Variants in ACTR3C observed in about 807,000 individuals in gnomAD.
ACTR3C encodes actin related protein 3C.
ACTR3C carries 18 observed loss-of-function variants against 26.3 expected under a neutral mutation model. That is an observed-to-expected ratio of 0.68 (90% CI 0.47 to 1.01). The LOEUF is 1.01. Among genes scored for constraint, ACTR3C ranks in the 50% least tolerant of loss-of-function variants. ACTR3C has a pLI of 0.00. For synonymous variants in ACTR3C, 55 were observed against 94.5 expected (o/e 0.58, Z 2.42); for missense variants, 184 against 250.7 (o/e 0.73, Z 1.80).
the ACTR3C span, among the ~76,000 whole-genome samples, chr7:150,039,446 CT>C: frequency 1.1e-4 from 7 of 64,320 alleles, no homozygotes; most frequent in African/African-American, 3.2e-4. Flanking sequence ...GCCTCCCCCC[CT>C]GCGATGGGGG....
the ACTR3C span, among the ~76,000 whole-genome samples, chr7:150,193,993 C>A: frequency 9.0e-6 from 1 of 110,658 alleles, no homozygotes; most frequent in South Asian, 2.5e-4. Flanking sequence ...CACACACAGA[C>A]ACACACACAC....
downstream of ACTR3C, chr7:150,244,739 C>T (rs556981377): frequency 9.3e-4 from 167 of 179,448 alleles, 1 homozygote; most frequent in African/African-American, 2.9e-3. Context: ...CTCTGCTCTT[C>T]CCAGCCTCTG....
chr7:150,235,035 G>A, the ACTR3C span, among the ~76,000 whole-genome samples: 9,112 of 152,180 alleles, frequency 0.06, 868 homozygotes, highest in African/African-American at 0.21. Flanking sequence ...TTAGCACTAG[G>A]CTTTTGTCAT....
intron 1 of ACTR3C, among the ~76,000 whole-genome samples, chr7:150,316,766 G>A (rs138795323): frequency 6.6e-6 from 1 of 152,200 alleles, no homozygotes; most frequent in East Asian, 1.9e-4. Flanking sequence ...TTACAGGCAT[G>A]AGCCACCACG....
At chr7:149,999,570 A>T in the ACTR3C span, among the ~76,000 whole-genome samples, 4 of 151,212 alleles carry the variant, frequency 2.6e-5, no homozygotes, top group African/African-American at 9.7e-5. Flanking sequence ...AAACTCTGGT[A>T]GGAGACTGAG....
chr7:150,314,685 G>A (rs1394642892), intron 1 of ACTR3C, among the ~76,000 whole-genome samples: 1 of 150,028 alleles, frequency 6.7e-6, no homozygotes, highest in East Asian at 2.0e-4. Flanking sequence ...GCTCATGCCT[G>A]TAATCCCAGT....
chr7:150,125,622 AT>A, the ACTR3C span, among the ~76,000 whole-genome samples: 5 of 151,474 alleles, frequency 3.3e-5, no homozygotes, highest in Admixed American at 3.3e-4. Flanking sequence ...CTTCCACTAC[AT>A]TTTCTTTGTT....
At chr7:149,899,992 G>A in the ACTR3C span, among the ~76,000 whole-genome samples, 1 of 142,000 alleles carries the variant, frequency 7.0e-6, no homozygotes, top group Non-Finnish European at 1.5e-5. Flanking sequence ...CAACATTTTT[G>A]TGCTGAAAGA....
chr7:149,965,705 C>T, the ACTR3C span, among the ~76,000 whole-genome samples: 1 of 152,194 alleles, frequency 6.6e-6, no homozygotes, highest in Non-Finnish European at 1.5e-5. Context: ...CATATCACAC[C>T]CCTTCTGGGA....
At chr7:150,249,636 G>T (rs186383984) in intron 6 of ACTR3C, among the ~76,000 whole-genome samples, 5 of 152,068 alleles carry the variant, frequency 3.3e-5, no homozygotes, top group African/African-American at 1.2e-4. Flanking sequence ...TGTGTTTTTA[G>T]TAGAGATGGG....
At chr7:150,048,580 G>A in the ACTR3C span, among the ~76,000 whole-genome samples, 3 of 151,940 alleles carry the variant, frequency 2.0e-5, no homozygotes, top group Admixed American at 2.0e-4. Flanking sequence ...GGTGCAAGGG[G>A]ATGCGGAGGT....
At chr7:150,081,874 T>A in the ACTR3C span, among the ~76,000 whole-genome samples, 1 of 151,706 alleles carries the variant, frequency 6.6e-6, no homozygotes, top group Non-Finnish European at 1.5e-5. Flanking sequence ...TCTCTTCTTC[T>A]GCAAGAGAGA....
At chr7:150,146,467 A>G in the ACTR3C span, among the ~76,000 whole-genome samples, 1 of 152,182 alleles carries the variant, frequency 6.6e-6, no homozygotes, top group South Asian at 2.1e-4. Flanking sequence ...TTTCAAATTG[A>G]CATTATCACT....
At chr7:150,089,806 T>G in the ACTR3C span, among the ~76,000 whole-genome samples, 1 of 152,210 alleles carries the variant, frequency 6.6e-6, no homozygotes, top group East Asian at 1.9e-4. Context: ...TCAAGGGTTT[T>G]CTGCCAGGAA....
At chr7:149,887,342 T>G in the ACTR3C span, among the ~76,000 whole-genome samples, 1 of 152,170 alleles carries the variant, frequency 6.6e-6, no homozygotes, top group Non-Finnish European at 1.5e-5. Flanking sequence ...GGAAAGCAAA[T>G]TCAAACAGCA....
chr7:150,190,014 C>T, the ACTR3C span, among the ~76,000 whole-genome samples: 1 of 152,016 alleles, frequency 6.6e-6, no homozygotes, highest in Non-Finnish European at 1.5e-5. Context: ...TGCATTACCA[C>T]AAGTAAAGAA....
the ACTR3C span, among the ~76,000 whole-genome samples, chr7:150,103,137 T>C: frequency 6.6e-6 from 1 of 151,752 alleles, no homozygotes; most frequent in Non-Finnish European, 1.5e-5. Flanking sequence ...TCCTCTATTA[T>C]AGGGAAGCAA....
At chr7:150,255,312 T>G (rs1431300721) in intron 6 of ACTR3C, among the ~76,000 whole-genome samples, 2 of 147,470 alleles carry the variant, frequency 1.4e-5, no homozygotes, top group African/African-American at 5.0e-5. Flanking sequence ...TGGATCAGCC[T>G]GTTAACAGAC....
the ACTR3C span, among the ~76,000 whole-genome samples, chr7:150,160,717 A>G: frequency 6.6e-6 from 1 of 151,888 alleles, no homozygotes; most frequent in Admixed American, 6.6e-5. Context: ...AGGAGCTTAG[A>G]CTGAAGCTGG....
Sources: allele counts gnomAD v4.1 joint callset (sites outside exome capture counted in the v4.1 genomes callset), GRCh38; gene constraint gnomAD v4.1.1; transcripts MANE v1.5; gene names NCBI Gene and HGNC (gene_info 2026-07-23, HGNC 2026-07-21).